Variants in CADM2 observed in about 807,000 individuals in gnomAD.
CADM2 encodes immunoglobulin superfamily member 4D.
A neutral mutation model predicts 49.8 loss-of-function variants in CADM2; 12 were observed. The ratio of observed to expected loss-of-function variants is 0.24; its 90% CI spans 0.15 to 0.39. The LOEUF is 0.39. Among genes scored for constraint, CADM2 ranks in the 10% least tolerant of loss-of-function variants. The pLI is 1.00. For synonymous variants in CADM2, 214 were observed against 175.4 expected, an observed-to-expected ratio of 1.22 and a Z score of -1.74; for missense variants, 378 against 492.3, an observed-to-expected ratio of 0.77 and a Z score of 2.20.
At chr3:85,441,707 A>G (rs2037210261) in intron 1 of CADM2, among the ~76,000 whole-genome samples, 1 of 152,080 alleles carries the variant, frequency 6.6e-6, no homozygotes, top group African/African-American at 2.4e-5. Flanking sequence ...TCTTCCTTGT[A>G]GAAAGACACA....
chr3:85,406,003 A>T (rs1045753620), intron 1 of CADM2, among the ~76,000 whole-genome samples: 1 of 152,010 alleles, frequency 6.6e-6, no homozygotes, highest in Non-Finnish European at 1.5e-5. Flanking sequence ...TGTAAAATAT[A>T]TAAAGCATTA....
In CADM2 at chr3:85,832,264, T is replaced by C. The variant is rs552398706; in HGVS notation, c.238+30068T>C. ...GTCAGGTGATGTGACAAATCCAGCT[T>C]TATTTTTTTTGCTTAGAATTTCTTT... On this transcript the variant is annotated intron_variant, in intron 3 of 9. Transcript: ENST00000383699. 2.1e-4 allele frequency among the ~76,000 whole-genome samples: 32 copies of C among 152,128 alleles called. 1 individual carries two copies. The highest frequency in any genetic ancestry group is 7.7e-4 in the African/African-American group (32 of 41,528).
intron 1 of CADM2, among the ~76,000 whole-genome samples, chr3:85,559,687 C>T (rs202127362): frequency 4.4e-3 from 216 of 49,424 alleles, no homozygotes; most frequent in Admixed American, 8.5e-3. Flanking sequence ...CACACACACA[C>T]ATATATATAT....
At chr3:85,452,802 T>C (rs185103874) in intron 1 of CADM2, among the ~76,000 whole-genome samples, 2 of 152,322 alleles carry the variant, frequency 1.3e-5, no homozygotes, top group Admixed American at 1.3e-4. Context: ...ATGACCATTT[T>C]GGAAGTGTAA....
At chr3:85,771,317 A>G (rs992917728) in intron 2 of CADM2, among the ~76,000 whole-genome samples, 2 of 152,110 alleles carry the variant, frequency 1.3e-5, no homozygotes, top group Non-Finnish European at 2.9e-5. Flanking sequence ...AATTAAATAC[A>G]AATTAATGTT....
intron 2 of CADM2, among the ~76,000 whole-genome samples, chr3:85,746,065 A>C (rs886490382): frequency 2.0e-5 from 3 of 152,174 alleles, no homozygotes; most frequent in Non-Finnish European, 4.4e-5. Context: ...AAAAACGTTT[A>C]ATGTTTACTA....
intron 1 of CADM2, among the ~76,000 whole-genome samples, chr3:85,109,593 A>T (rs576142484): frequency 2.0e-5 from 3 of 152,140 alleles, no homozygotes; most frequent in South Asian, 4.1e-4. Flanking sequence ...CAATAGCATC[A>T]TTTAAAATTT....
intron 1 of CADM2, among the ~76,000 whole-genome samples, chr3:85,023,321 C>T (rs1411914645): frequency 1.3e-5 from 2 of 152,092 alleles, no homozygotes; most frequent in African/African-American, 4.8e-5. Flanking sequence ...GGCTGGTTTG[C>T]AGGGTATTTT....
chr3:85,185,186 G>A (rs2041028925), intron 1 of CADM2, among the ~76,000 whole-genome samples: 1 of 151,724 alleles, frequency 6.6e-6, no homozygotes, highest in African/African-American at 2.4e-5. Flanking sequence ...TCTTTTTTTG[G>A]CTGGGATAAA....
rs142843404 is a variant in CADM2, at chr3:85,584,632, A to G, written c.62-141890A>G. 1.1e-3 allele frequency among the ~76,000 whole-genome samples: 175 copies of G among 152,202 alleles called. 1 individual carries two copies. The highest frequency in any genetic ancestry group is 4.0e-3 in the African/African-American group (167 of 41,552). On this transcript the variant is annotated intron_variant, in intron 1 of 9. Coordinates refer to ENST00000383699, the MANE Select transcript of CADM2 (RefSeq NM_001167675.2). ...TTCCCCTTTTTTGTCCCAGAAGTTC[A>G]CATGGCCAAAATTGACTTGAAAAAG...
In CADM2 at chr3:85,126,412, T is replaced by C. The variant is rs151040242; in HGVS notation, c.61+166744T>C. Among the ~76,000 whole-genome samples, 385 of 152,166 alleles carry C rather than the reference T, an allele frequency of 2.5e-3. 1 individual carries two copies. The highest frequency in any genetic ancestry group is 8.9e-3 in the African/African-American group (370 of 41,530). ...AATAATATAGTATATTTTAAGATTGTTAGTGTTGTGGGGAAAAAAATCAGA... is the reference window on the plus strand; with the variant it reads ...AATAATATAGTATATTTTAAGATTGCTAGTGTTGTGGGGAAAAAAATCAGA... On this transcript the variant is annotated intron_variant, in intron 1 of 9. Transcript: ENST00000383699.
chr3:85,662,651 G>C (rs2107613492), intron 1 of CADM2, among the ~76,000 whole-genome samples: 1 of 152,122 alleles, frequency 6.6e-6, no homozygotes, highest in African/African-American at 2.4e-5. Context: ...CTTTGCCTGA[G>C]GACTTTGCAT....
intron 1 of CADM2, among the ~76,000 whole-genome samples, chr3:85,624,141 A>T (rs1389306347): frequency 1.3e-5 from 2 of 152,158 alleles, no homozygotes; most frequent in African/African-American, 4.8e-5. Context: ...ATAGAGAATC[A>T]TTTTGTAACA....
intron 3 of CADM2, among the ~76,000 whole-genome samples, chr3:85,870,860 C>A (rs2075900804): frequency 6.6e-6 from 1 of 152,096 alleles, no homozygotes; most frequent in Admixed American, 6.5e-5. Flanking sequence ...AATTCACACT[C>A]TCCTTCTTAT....
intron 3 of CADM2, among the ~76,000 whole-genome samples, chr3:85,822,083 C>T (rs1316760524): frequency 2.0e-5 from 3 of 152,132 alleles, no homozygotes; most frequent in Admixed American, 2.0e-4. Context: ...TAATGTGGCA[C>T]ATGCTTGGTT....
At chr3:85,687,299 C>T (rs1168514014) in intron 1 of CADM2, among the ~76,000 whole-genome samples, 1 of 151,966 alleles carries the variant, frequency 6.6e-6, no homozygotes, top group African/African-American at 2.4e-5. Flanking sequence ...AAAAGAATGC[C>T]ATTAAAATAA....
chr3:84,971,757 A>T (rs1208096915), intron 1 of CADM2, among the ~76,000 whole-genome samples: 1 of 152,148 alleles, frequency 6.6e-6, no homozygotes, highest in Non-Finnish European at 1.5e-5. Flanking sequence ...GACTGGGGAG[A>T]TTAATATTTC....
intron 1 of CADM2, among the ~76,000 whole-genome samples, chr3:85,386,405 T>C (rs2034235398): frequency 6.6e-6 from 1 of 152,058 alleles, no homozygotes; most frequent in South Asian, 2.1e-4. Context: ...AACAACTAGA[T>C]AGGGCAACTG....
intron 1 of CADM2, among the ~76,000 whole-genome samples, chr3:85,085,426 A>T (rs2037330782): frequency 6.6e-6 from 1 of 151,994 alleles, no homozygotes; most frequent in South Asian, 2.1e-4. Context: ...ATTCAATTAT[A>T]TATATATGTA....
Sources: gnomAD v4.1 joint callset for allele counts (sites outside exome capture counted in the v4.1 genomes callset) on GRCh38, gnomAD v4.1.1 for gene constraint, MANE v1.5 for transcripts, NCBI Gene and HGNC (gene_info 2026-07-23, HGNC 2026-07-21) for gene names.